The following CCDC150 variants were observed in gnomAD, a reference collection of about 807,000 sequenced individuals.
CCDC150 encodes the protein coiled-coil domain containing 150.
Under a neutral mutation model 156.5 loss-of-function variants are expected in CCDC150, and 151 were observed. That is an observed-to-expected ratio of 0.97 (90% confidence interval 0.85 to 1.10). The LOEUF (loss-of-function observed/expected upper bound fraction) is 1.10. Ranked by LOEUF, CCDC150 falls within the 50% of genes least tolerant of loss-of-function variation. The pLI, the probability that CCDC150 is intolerant of heterozygous loss-of-function variation, is 0.00. For synonymous variants in CCDC150, 452 were observed against 429.4 expected (o/e 1.05, Z -0.65); for missense variants, 1,312 against 1,268.1 (o/e 1.03, Z -0.53).
At chr2:196,658,407 A>G (rs1693355008) in intron 4 of CCDC150, among the ~76,000 whole-genome samples, 2 of 152,024 alleles carry the variant, frequency 1.3e-5, no homozygotes, top group South Asian at 4.1e-4. Context: ...TTCATCCTCA[A>G]CTTGTAAGCA....
Position 196,676,150 on chromosome 2 carries a change from A to G in CCDC150, c.1145A>G (p.Gln382Arg). 1 of 1,613,676 alleles carries G rather than the reference A, an allele frequency of 6.2e-7. No individual in the cohort carries two copies. The highest frequency in any genetic ancestry group is 1.1e-5 in the South Asian group (1 of 91,044). The change falls in exon 11 of 28, where the codon CAG (glutamine) becomes CGG (arginine). Residue 382 changes from glutamine (Q) to arginine (R), a missense_variant. Coordinates refer to ENST00000389175, the MANE Select transcript of CCDC150 (RefSeq NM_001080539.2). ...ADHQAILQVE[Q>R]KMMTQTFQEQ... Reference sequence around the variant, plus strand: ...ATTGCTTTTAACACTCAGGTAGAGCAGAAAATGATGACGCAGACATTTCAA... The same window carrying G: ...ATTGCTTTTAACACTCAGGTAGAGCGGAAAATGATGACGCAGACATTTCAA...
chr2:196,699,619 A>C (rs1242156512), intron 14 of CCDC150, among the ~76,000 whole-genome samples: 1 of 151,724 alleles, frequency 6.6e-6, no homozygotes, highest in Non-Finnish European at 1.5e-5. Flanking sequence ...AGCTGGTTTC[A>C]AGCAATTCTC....
chr2:196,653,063 G>A (rs1044486346), intron 2 of CCDC150, among the ~76,000 whole-genome samples: 7 of 152,218 alleles, frequency 4.6e-5, no homozygotes, highest in African/African-American at 1.7e-4. Context: ...AGGCCTCTGG[G>A]CCTGTGATAA....
At chr2:196,721,103 A>G (rs1488708067) in intron 20 of CCDC150, among the ~76,000 whole-genome samples, 1 of 151,922 alleles carries the variant, frequency 6.6e-6, no homozygotes, top group Non-Finnish European at 1.5e-5. Flanking sequence ...TGAATATTTC[A>G]TAAATAAGGT....
intron 14 of CCDC150, among the ~76,000 whole-genome samples, chr2:196,699,553 T>G (rs185330859): frequency 1.5e-4 from 23 of 151,532 alleles, no homozygotes; most frequent in African/African-American, 5.1e-4. Flanking sequence ...GGGGTCTTGC[T>G]CTGTCTTCCA....
chr2:196,676,643 C>G lies in CCDC150; in HGVS notation c.1352C>G (p.Ser451Ter). 1.9e-6 allele frequency: 3 copies of G among 1,613,656 alleles called. No homozygotes were observed. The highest frequency in any genetic ancestry group is 2.5e-6 in the Non-Finnish European group (3 of 1,179,654). ...RTAVQKELLE[S>*]TIARLRGELE... The stretch of plus-strand genomic sequence containing the variant: ...GCTGTGCAAAAAGAGCTGCTAGAAT[C>G]AACTATTGCAAGATTGCGAGGTGAA... The change falls in exon 12 of 28, where the codon TCA becomes TGA. Residue 451 changes from serine (S) to a stop codon, truncating the protein, a stop_gained. Coordinates refer to ENST00000389175, the MANE Select transcript of CCDC150 (RefSeq NM_001080539.2). LOFTEE classifies it high-confidence loss of function.
chr2:196,677,590 C>T (rs757147301), intron 13 of CCDC150, among the ~76,000 whole-genome samples: 5 of 152,184 alleles, frequency 3.3e-5, no homozygotes, highest in Non-Finnish European at 5.9e-5. Flanking sequence ...TCATCACTGC[C>T]TCTGGCCCTA....
Position 196,676,616 on chromosome 2 carries a change from C to G in CCDC150, c.1325C>G (p.Thr442Arg). The change falls in exon 12 of 28, where the codon ACA (threonine) becomes AGA (arginine). Residue 442 changes from threonine to arginine, a missense_variant. Coordinates refer to ENST00000389175, the MANE Select transcript of CCDC150 (RefSeq NM_001080539.2). ...IQKAQDAEKR[T>R]AVQKELLEST... is the part of the protein sequence containing the mutation. ...AAAGCACAGGATGCTGAAAAGAGAA[C>G]AGCTGTGCAAAAAGAGCTGCTAGAA... 1 of 1,613,644 alleles carries G rather than the reference C, an allele frequency of 6.2e-7. No homozygotes were observed. The highest frequency in any genetic ancestry group is 1.3e-5 in the African/African-American group (1 of 75,026).
At position 196,657,060 on chromosome 2, in the gene CCDC150, T is replaced by C. The variant is rs572442181; in HGVS notation, c.500T>C (p.Val167Ala). 6.2e-7 allele frequency: 1 copy of C among 1,613,792 alleles called. No homozygotes were observed. The highest frequency in any genetic ancestry group is 1.1e-5 in the South Asian group (1 of 91,070). ...AATTTGCGCCAGCAACTGAGAGCTG[T>C]AAAAGAGGAAGAAGACAAGGCACAA... Reference protein sequence around the residue: ...VMNLRQQLRAVKEEEDKAQDE... With the variant: ...VMNLRQQLRAAKEEEDKAQDE... Residue 167 changes from valine to alanine, a missense_variant, in exon 4 of 28, where the codon GTA becomes GCA. Transcript: ENST00000389175.
chr2:196,697,097 T>C (rs547998307), intron 14 of CCDC150, among the ~76,000 whole-genome samples: 63 of 152,348 alleles, frequency 4.1e-4, no homozygotes, highest in South Asian at 1.2e-3. Flanking sequence ...TTCACTCTCT[T>C]CTAATGCAGG....
chr2:196,682,406 T>G (rs559653309), intron 13 of CCDC150, among the ~76,000 whole-genome samples: 132 of 152,186 alleles, frequency 8.7e-4, no homozygotes, highest in South Asian at 3.9e-3. Flanking sequence ...TCCAACTTTT[T>G]TTTTTGTTGT....
At chr2:196,710,074 G>A (rs988469920) in intron 15 of CCDC150, among the ~76,000 whole-genome samples, 2 of 152,258 alleles carry the variant, frequency 1.3e-5, no homozygotes, top group African/African-American at 4.8e-5. Flanking sequence ...TAAGTCTGCA[G>A]AAGTTTCTGC....
At chr2:196,724,564 T>C (rs1698105589) in intron 21 of CCDC150, among the ~76,000 whole-genome samples, 1 of 152,136 alleles carries the variant, frequency 6.6e-6, no homozygotes, top group African/African-American at 2.4e-5. Flanking sequence ...ACTGTTGTTA[T>C]TCCCATTTTG....
rs779985058 is a variant in CCDC150, at chr2:196,657,128, C to T, written c.568C>T (p.Gln190Ter). 3.2e-5 allele frequency: 52 copies of T among 1,613,594 alleles called. No homozygotes were observed. The highest frequency in any genetic ancestry group is 4.1e-5 in the Non-Finnish European group (48 of 1,179,618). Reference sequence around the variant, plus strand: ...GACTGCCACTCTGAAGATTGCCTCGCAGACAAAGGTTTGAGTCTAAGAGTT... The same window carrying T: ...GACTGCCACTCTGAAGATTGCCTCGTAGACAAAGGTTTGAGTCTAAGAGTT... The part of the protein sequence containing the change: ...RLTATLKIAS[Q>*]TKKNAAIIEE... Residue 190 changes from glutamine to a stop codon, truncating the protein, a stop_gained, in exon 4 of 28, where the codon CAG becomes TAG. Coordinates refer to ENST00000389175, the MANE Select transcript of CCDC150 (RefSeq NM_001080539.2). LOFTEE classifies it high-confidence loss of function.
intron 17 of CCDC150, among the ~76,000 whole-genome samples, chr2:196,716,707 C>G (rs187947747): frequency 6.6e-6 from 1 of 151,930 alleles, no homozygotes; most frequent in Non-Finnish European, 1.5e-5. Context: ...AAGTCTTATA[C>G]GTATGTGAAA....
intron 17 of CCDC150, chr2:196,713,539 G>A (rs1455807779): frequency 6.4e-7 from 1 of 1,550,420 alleles, no homozygotes; most frequent in South Asian, 1.2e-5. Context: ...AAACATCTCA[G>A]GATATTGGAG....
At chr2:196,732,192 T>A in intron 27 of CCDC150, 40 bp downstream of exon 27, 8 of 1,609,868 alleles carry the variant, frequency 5.0e-6, no homozygotes, top group Non-Finnish European at 6.8e-6. Flanking sequence ...ATTTTCTACT[T>A]GTTGCTTCTC....
chr2:196,700,546 A>G (rs112820042), intron 14 of CCDC150, among the ~76,000 whole-genome samples: 6 of 152,372 alleles, frequency 3.9e-5, no homozygotes, highest in African/African-American at 1.2e-4. Flanking sequence ...TGTTTGAATA[A>G]TGAAAATATG....
chr2:196,665,352 A>T (rs935353490), intron 5 of CCDC150, among the ~76,000 whole-genome samples: 2 of 152,196 alleles, frequency 1.3e-5, no homozygotes, highest in Admixed American at 1.3e-4. Context: ...GACCTAAATT[A>T]TAGGAGGATG....
Sources: gnomAD v4.1 joint callset for allele counts (sites outside exome capture counted in the v4.1 genomes callset) on GRCh38, gnomAD v4.1.1 for gene constraint, MANE v1.5 for transcripts, NCBI Gene and HGNC (gene_info 2026-07-23, HGNC 2026-07-21) for gene names.